Variants in RASGRP3 observed in about 807,000 individuals in gnomAD.
RASGRP3 encodes ras guanyl-releasing protein 3.
A neutral mutation model predicts 82.7 loss-of-function variants in RASGRP3; 54 were observed. That is an observed-to-expected ratio of 0.65 (90% confidence interval 0.52 to 0.82). RASGRP3 has a LOEUF of 0.82. Among genes scored for constraint, RASGRP3 ranks in the 40% least tolerant of loss-of-function variants. The pLI is 0.00. For missense variants in RASGRP3, 861 were observed against 828.9 expected, an observed-to-expected ratio of 1.04 and a Z score of -0.48; for synonymous variants, 309 against 300.5, an observed-to-expected ratio of 1.03 and a Z score of -0.29.
intron 2 of RASGRP3, among the ~76,000 whole-genome samples, chr2:33,449,529 A>AG (rs1449032818): frequency 2.0e-5 from 3 of 152,148 alleles, no homozygotes; most frequent in Non-Finnish European, 2.9e-5. Context: ...TGGGAGGCCG[A>AG]GGGGGGCAGA....
At chr2:33,470,341 T>C (rs1558411851) in intron 2 of RASGRP3, among the ~76,000 whole-genome samples, 1 of 151,950 alleles carries the variant, frequency 6.6e-6, no homozygotes, top group Non-Finnish European at 1.5e-5. Context: ...AGAAATGTTA[T>C]TGTTGTTGTT....
At chr2:33,464,110 A>AATTATTATTATTATTATTATT (rs70938402) in intron 2 of RASGRP3, among the ~76,000 whole-genome samples, 2 of 144,264 alleles carry the variant, frequency 1.4e-5, no homozygotes, top group South Asian at 2.1e-4. Flanking sequence ...TAATAATAAT[A>AATTATTATTATTATTATTATT]ATTATTATTA....
chr2:33,472,252 A>G (rs1431333723), upstream of RASGRP3, among the ~76,000 whole-genome samples: 1 of 152,196 alleles, frequency 6.6e-6, no homozygotes, highest in African/African-American at 2.4e-5. Flanking sequence ...GTTTGGATGG[A>G]ACACAGACAC....
intron 1 of RASGRP3, among the ~76,000 whole-genome samples, chr2:33,485,984 TG>T (rs1427097974): frequency 1.3e-5 from 2 of 152,218 alleles, no homozygotes; most frequent in African/African-American, 4.8e-5. Flanking sequence ...AAAATTGTTT[TG>T]AGCTTTAATC....
chr2:33,541,811 A>AATATTTTT (rs1674306045), intron 12 of RASGRP3, among the ~76,000 whole-genome samples: 1 of 147,520 alleles, frequency 6.8e-6, no homozygotes, highest in Admixed American at 6.9e-5. Context: ...TATTAAATAA[A>AATATTTTT]ATATTTTTCT....
intron 7 of RASGRP3, among the ~76,000 whole-genome samples, chr2:33,522,653 G>A (rs1477167440): frequency 1.3e-5 from 2 of 152,086 alleles, no homozygotes; most frequent in Non-Finnish European, 2.9e-5. Flanking sequence ...TCTCTGGTCT[G>A]TGATTTCTTA....
At chr2:33,472,232 G>C (rs1667100607), upstream of RASGRP3, among the ~76,000 whole-genome samples, 1 of 152,160 alleles carries the variant, frequency 6.6e-6, no homozygotes, top group Non-Finnish European at 1.5e-5. Flanking sequence ...CTTTGTCTTA[G>C]ATTGGTAAAG....
At chr2:33,442,246 C>T (rs530688769) in intron 1 of RASGRP3, among the ~76,000 whole-genome samples, 38 of 152,338 alleles carry the variant, frequency 2.5e-4, no homozygotes, top group African/African-American at 8.9e-4. Flanking sequence ...CGCCTGTAGT[C>T]CCAGCTACTC....
In RASGRP3 at chr2:33,448,369, A is replaced by G. The variant is rs368183936; in HGVS notation, c.-261+426A>G. ...GTGGTACACTAATGTTCATAGCAGC[A>G]TTATTTATAATAGCTGAAAGGCAGA... On this transcript the variant is annotated intron_variant, in intron 2 of 18. Coordinates refer to the RASGRP3 transcript ENST00000402538. Among the ~76,000 whole-genome samples the G allele has an allele frequency of 1.4e-4, 22 of 152,314 alleles. No individual in the cohort carries two copies. In the East Asian group the frequency reaches 4.0e-3, roughly 28 times the overall value.
intron 5 of RASGRP3, among the ~76,000 whole-genome samples, chr2:33,520,300 C>A (rs995655969): frequency 3.3e-5 from 5 of 152,136 alleles, no homozygotes; most frequent in African/African-American, 4.8e-5. Context: ...CATCTACTCA[C>A]CATGAATTGA....
intron 2 of RASGRP3, among the ~76,000 whole-genome samples, chr2:33,450,981 G>T (rs1341093622): frequency 6.6e-6 from 1 of 151,020 alleles, no homozygotes; most frequent in South Asian, 2.1e-4. Flanking sequence ...GGGACTACAG[G>T]TGCCTGCCAC....
At chr2:33,542,833 G>A (rs753387317) in intron 12 of RASGRP3, among the ~76,000 whole-genome samples, 5 of 151,982 alleles carry the variant, frequency 3.3e-5, no homozygotes, top group Non-Finnish European at 7.4e-5. Flanking sequence ...GCAGGCATAT[G>A]CCACCATGCC....
At chr2:33,509,951 T>TA (rs34101796) in intron 1 of RASGRP3, among the ~76,000 whole-genome samples, 20 of 151,920 alleles carry the variant, frequency 1.3e-4, no homozygotes, top group South Asian at 2.1e-4. Context: ...CACAGCACTT[T>TA]AAAAAAAAAT....
chr2:33,546,827 G>C (rs373171914), intron 13 of RASGRP3, among the ~76,000 whole-genome samples: 2 of 152,124 alleles, frequency 1.3e-5, no homozygotes, highest in African/African-American at 2.4e-5. Flanking sequence ...CAGCACTTTG[G>C]GAGGCTGAGG....
At chr2:33,494,346 C>T (rs565324565) in intron 1 of RASGRP3, among the ~76,000 whole-genome samples, 30 of 152,282 alleles carry the variant, frequency 2.0e-4, no homozygotes, top group African/African-American at 3.6e-4. Flanking sequence ...CAGTAAATAA[C>T]GCTTCCCTGG....
chr2:33,484,897 G>C (rs1172300104), intron 1 of RASGRP3, among the ~76,000 whole-genome samples: 1 of 152,076 alleles, frequency 6.6e-6, no homozygotes, highest in African/African-American at 2.4e-5. Flanking sequence ...CACTATGTCT[G>C]TGTTAAAACT....
chr2:33,477,743 C>G (rs1405619827), intron 1 of RASGRP3, among the ~76,000 whole-genome samples: 2 of 152,180 alleles, frequency 1.3e-5, no homozygotes, highest in East Asian at 3.8e-4. Context: ...GAGGGCAGAG[C>G]TCTAAACTGA....
chr2:33,443,030 G>A (rs960335562), intron 1 of RASGRP3, among the ~76,000 whole-genome samples: 9 of 152,280 alleles, frequency 5.9e-5, no homozygotes, highest in East Asian at 1.9e-4. Flanking sequence ...TTCAGGGTCA[G>A]TGTGAACGCC....
At chr2:33,519,922 G>T (rs1385160897) in intron 4 of RASGRP3, 30 bp from the exon 5 acceptor site, 2 of 1,569,648 alleles carry the variant, frequency 1.3e-6, no homozygotes, top group Admixed American at 1.8e-5. Context: ...GAAAGGAGGT[G>T]CAAGGATTTT....
Sources: allele counts gnomAD v4.1 joint callset (sites outside exome capture counted in the v4.1 genomes callset), GRCh38; gene constraint gnomAD v4.1.1; transcripts MANE v1.5; gene names NCBI Gene and HGNC (gene_info 2026-07-23, HGNC 2026-07-21).